The following ADAMTS9 variants were observed in gnomAD, a reference collection of about 807,000 sequenced individuals.
ADAMTS9 encodes the protein A disintegrin and metalloproteinase with thrombospondin motifs 9.
ADAMTS9 carries 107 observed loss-of-function variants against 257.1 expected under a neutral mutation model. The observed-to-expected ratio is 0.42, with a 90% CI of 0.36 to 0.49. ADAMTS9 has a LOEUF of 0.49. ADAMTS9 is among the 20% of genes least tolerant of loss of function. The pLI is 0.03. For missense variants in ADAMTS9, 2,353 were observed against 2,469.1 expected (o/e 0.95, Z 1.00); for synonymous variants, 982 against 880.9 (o/e 1.11, Z -2.03).
In ADAMTS9 at chr3:64,570,051, C is replaced by T. The variant is rs565482855; in HGVS notation, c.4357-1516G>A. Reference sequence around the variant, plus strand: ...CTGATGACTTGCACACAGATAATCCCTATTAATAGTGACCAATTTTAATAT... The same window carrying T: ...CTGATGACTTGCACACAGATAATCCTTATTAATAGTGACCAATTTTAATAT... On this transcript the variant is annotated intron_variant, in intron 28 of 39. Transcript: ENST00000498707. Among the ~76,000 whole-genome samples the T allele has an allele frequency of 3.9e-5, 6 of 152,238 alleles. No homozygotes were observed. In the South Asian group the frequency reaches 1.2e-3, roughly 32 times the overall value.
At chr3:64,662,862 C>A (rs183463375) in intron 3 of ADAMTS9, among the ~76,000 whole-genome samples, 1 of 152,080 alleles carries the variant, frequency 6.6e-6, no homozygotes, top group South Asian at 2.1e-4. Flanking sequence ...CATGACACCA[C>A]CAAGTGGAAA....
intron 12 of ADAMTS9, among the ~76,000 whole-genome samples, chr3:64,637,222 C>A (rs1470056067): frequency 6.6e-6 from 1 of 152,204 alleles, no homozygotes; most frequent in African/African-American, 2.4e-5. Flanking sequence ...GCCAACCAAA[C>A]TCATCTTTCA....
intron 19 of ADAMTS9, among the ~76,000 whole-genome samples, chr3:64,620,707 T>C (rs549043315): frequency 6.6e-6 from 1 of 152,328 alleles, no homozygotes; most frequent in East Asian, 1.9e-4. Flanking sequence ...GTAGGAGTTC[T>C]TCTACTGGGT....
intron 28 of ADAMTS9, 138 bp from the exon 29 acceptor site, chr3:64,568,673 A>G: frequency 2.0e-6 from 2 of 1,005,298 alleles, no homozygotes; most frequent in Non-Finnish European, 3.0e-6. Context: ...AGTTTGGATA[A>G]TATCTCAAGG....
At chr3:64,520,735 G>A (rs113055573) in intron 39 of ADAMTS9, among the ~76,000 whole-genome samples, 2,264 of 152,184 alleles carry the variant, frequency 0.015, 46 homozygotes, top group African/African-American at 0.052. Context: ...GGAAAAACTG[G>A]CTAACCATAT....
intron 16 of ADAMTS9, among the ~76,000 whole-genome samples, chr3:64,628,553 T>G (rs1700284793): frequency 6.6e-6 from 1 of 152,152 alleles, no homozygotes; most frequent in South Asian, 2.1e-4. Context: ...TGCCCCATTC[T>G]GCAGCTGTGC....
intron 3 of ADAMTS9, among the ~76,000 whole-genome samples, chr3:64,665,741 G>A (rs1701339155): frequency 6.6e-6 from 1 of 152,126 alleles, no homozygotes; most frequent in African/African-American, 2.4e-5. Context: ...TGTGAAAAAA[G>A]GAGGAACTAC....
intron 16 of ADAMTS9, among the ~76,000 whole-genome samples, chr3:64,623,411 G>A (rs1012727440): frequency 6.6e-6 from 1 of 152,148 alleles, no homozygotes; most frequent in Non-Finnish European, 1.5e-5. Flanking sequence ...CCCTCTGAGT[G>A]AGTAATCTGG....
At chr3:64,564,286 C>T (rs1239141116) in intron 29 of ADAMTS9, among the ~76,000 whole-genome samples, 3 of 152,122 alleles carry the variant, frequency 2.0e-5, no homozygotes, top group African/African-American at 7.2e-5. Flanking sequence ...GCAGAACTCA[C>T]CAACTTAAAA....
chr3:64,524,802 T>C (rs757440272), intron 38 of ADAMTS9, among the ~76,000 whole-genome samples: 13 of 152,252 alleles, frequency 8.5e-5, no homozygotes, highest in Non-Finnish European at 1.6e-4. Context: ...TCTTTGCCTC[T>C]GCAGATTCAT....
At position 64,658,550 on chromosome 3, in the gene ADAMTS9, T is replaced by C. The variant is rs1354391558; in HGVS notation, c.921A>G (p.Ser307=). The change falls in exon 4 of 40, where the codon TCA becomes TCG. Residue 307 remains serine (S), a synonymous_variant. Transcript: ENST00000498707. The part of the protein sequence containing the change: ...VLVVADNRMV[S]YHGENLQHYI... ...AGTGTTGAAGGTTTTCTCCATGGTA[T>C]GAAACCATTCTGTTGTCTGCCACCA... The C allele has an allele frequency of 6.2e-7, 1 of 1,614,178 alleles. No homozygotes were observed. The highest frequency in any genetic ancestry group is 1.3e-5 in the African/African-American group (1 of 75,054).
rs149859946 is a variant in ADAMTS9, at chr3:64,610,667, A to T, written c.3354+2678T>A. 7.9e-3 allele frequency among the ~76,000 whole-genome samples: 1,196 copies of T among 152,310 alleles called. 51 individuals are homozygous for T. The highest frequency in any genetic ancestry group is 0.057 in the Admixed American group (871 of 15,286). On this transcript the variant is annotated intron_variant, in intron 22 of 39. Coordinates refer to ENST00000498707, the MANE Select transcript of ADAMTS9 (RefSeq NM_182920.2). The stretch of plus-strand genomic sequence containing the variant: ...ATAAATTTATCTTACTTGGAATTTT[A>T]AAAAGGGAAAATAACAATTTTGGCG...
chr3:64,520,216 A>G (rs1368041786), intron 39 of ADAMTS9, among the ~76,000 whole-genome samples: 2 of 152,278 alleles, frequency 1.3e-5, no homozygotes, highest in South Asian at 2.1e-4. Flanking sequence ...AGAATAAAAT[A>G]CCTAGGAATA....
intron 12 of ADAMTS9, among the ~76,000 whole-genome samples, chr3:64,641,249 TTTTTTTTTTGCCTGC>T (rs1419889067): frequency 6.6e-5 from 3 of 45,416 alleles, no homozygotes; most frequent in Non-Finnish European, 1.3e-4. Context: ...GTGCTATCTT[TTTTTTTTTTGCCTGC>T]TTTTTTTTTG....
intron 38 of ADAMTS9, 110 bp from the exon 39 acceptor site, chr3:64,522,370 C>G: frequency 1.1e-6 from 1 of 929,488 alleles, no homozygotes; most frequent in Non-Finnish European, 1.7e-6. Context: ...GCCTTCTGAA[C>G]TGATGTGAAG....
intron 22 of ADAMTS9, among the ~76,000 whole-genome samples, chr3:64,611,780 T>A (rs570261645): frequency 6.6e-6 from 1 of 152,270 alleles, no homozygotes; most frequent in South Asian, 2.1e-4. Context: ...CCTGGTTCTT[T>A]ACAGGCCATG....
intron 16 of ADAMTS9, among the ~76,000 whole-genome samples, chr3:64,626,863 A>G (rs571305884): frequency 6.6e-6 from 1 of 152,222 alleles, no homozygotes; most frequent in Admixed American, 6.5e-5. Context: ...TAAACCTCTG[A>G]CAACCTCGTC....
chr3:64,624,084 G>C (rs1483532632), intron 16 of ADAMTS9, among the ~76,000 whole-genome samples: 2 of 151,648 alleles, frequency 1.3e-5, no homozygotes, highest in African/African-American at 4.9e-5. Context: ...GGGATGGGGA[G>C]ATGTTGGTCA....
At chr3:64,613,619 A>C in intron 21 of ADAMTS9, 110 bp from the exon 22 acceptor site, 1 of 1,026,790 alleles carries the variant, frequency 9.7e-7, no homozygotes, top group Non-Finnish European at 1.4e-6. Context: ...CACAGCAATC[A>C]CTCTCCCATA....
Sources: gnomAD v4.1 joint callset for allele counts (sites outside exome capture counted in the v4.1 genomes callset) on GRCh38, gnomAD v4.1.1 for gene constraint, MANE v1.5 for transcripts, NCBI Gene and HGNC (gene_info 2026-07-23, HGNC 2026-07-21) for gene names.